Variants in TENM2 observed in about 807,000 individuals in gnomAD.
TENM2 encodes the protein teneurin-2.
TENM2 carries 52 observed loss-of-function variants against 245.2 expected under a neutral mutation model. That is an observed-to-expected ratio of 0.21 (90% confidence interval 0.17 to 0.27). The LOEUF (loss-of-function observed/expected upper bound fraction) is 0.27. Among genes scored for constraint, TENM2 ranks in the 10% least tolerant of loss-of-function variants. The pLI is 1.00. For missense variants in TENM2, 3,046 were observed against 3,666.8 expected (o/e 0.83, Z 4.37); for synonymous variants, 1,363 against 1,438.9 (o/e 0.95, Z 1.19).
chr5:167,661,023 G>A (rs1405604800), intron 2 of TENM2, among the ~76,000 whole-genome samples: 1 of 152,132 alleles, frequency 6.6e-6, no homozygotes, highest in African/African-American at 2.4e-5. Flanking sequence ...CATAGACTCA[G>A]CATTTTAAGT....
At chr5:167,409,576 G>A (rs553590703) in intron 2 of TENM2, among the ~76,000 whole-genome samples, 56 of 152,078 alleles carry the variant, frequency 3.7e-4, no homozygotes, top group African/African-American at 1.2e-3. Flanking sequence ...CTGGAAGCAT[G>A]TGCTCAAAAA....
chr5:167,810,567 C>T (rs1766559892), intron 2 of TENM2, among the ~76,000 whole-genome samples: 1 of 151,516 alleles, frequency 6.6e-6, no homozygotes, highest in Non-Finnish European at 1.5e-5. Context: ...TATTGCTCTC[C>T]AGGAATACTT....
At chr5:167,319,676 G>A (rs1333544312) in intron 1 of TENM2, among the ~76,000 whole-genome samples, 1 of 152,144 alleles carries the variant, frequency 6.6e-6, no homozygotes, top group African/African-American at 2.4e-5. Flanking sequence ...AGGGTGCTAG[G>A]TTTTCTCCAA....
intron 2 of TENM2, among the ~76,000 whole-genome samples, chr5:167,768,592 TAG>T (rs1763196041): frequency 6.6e-6 from 1 of 152,102 alleles, no homozygotes; most frequent in African/African-American, 2.4e-5. Flanking sequence ...TATGAAGTGG[TAG>T]AGAGTGGTGG....
At chr5:167,814,664 T>C (rs1019661074) in intron 2 of TENM2, among the ~76,000 whole-genome samples, 1 of 150,790 alleles carries the variant, frequency 6.6e-6, no homozygotes, top group African/African-American at 2.4e-5. Flanking sequence ...TATTGTAATA[T>C]ATTTTAGGAA....
the TENM2 span, among the ~76,000 whole-genome samples, chr5:167,218,119 GT>G: frequency 1.3e-5 from 2 of 151,870 alleles, no homozygotes; most frequent in South Asian, 2.1e-4. Context: ...ACCTTGTAGA[GT>G]TTTTTTTAAT....
intron 2 of TENM2, among the ~76,000 whole-genome samples, chr5:167,613,323 A>G (rs1020413054): frequency 3.3e-5 from 5 of 152,004 alleles, no homozygotes; most frequent in East Asian, 3.9e-4. Context: ...TGTTATCATC[A>G]CAAACCAGGG....
At chr5:167,016,050 C>G in the TENM2 span, among the ~76,000 whole-genome samples, 2 of 151,824 alleles carry the variant, frequency 1.3e-5, no homozygotes, top group African/African-American at 4.8e-5. Context: ...GTCAGGAGAT[C>G]GAGACCATCC....
rs183138490 is a variant in TENM2, at chr5:167,451,822, C to A, written c.502+76349C>A. On this transcript the variant is annotated intron_variant, in intron 2 of 28. Transcript: ENST00000518659. ...TGCCACCACGCCCGGCTAATTTTTTCGTATTTTTAGTAGAGACAGGGTTTC... is the reference window on the plus strand; with the variant it reads ...TGCCACCACGCCCGGCTAATTTTTTAGTATTTTTAGTAGAGACAGGGTTTC... Among the ~76,000 whole-genome samples the A allele has an allele frequency of 6.1e-3, 926 of 151,876 alleles. 9 individuals carry two copies. Among genetic ancestry groups the A allele is most frequent in the African/African-American group, 0.021 (856 of 41,444 alleles).
chr5:167,921,847 G>A (rs1421977), intron 3 of TENM2, among the ~76,000 whole-genome samples: 33,658 of 151,994 alleles, frequency 0.22, 4,321 homozygotes, highest in East Asian at 0.37. Flanking sequence ...CAGCCCTGTG[G>A]GAATACTAGT....
chr5:167,730,613 G>A (rs1340083925), intron 2 of TENM2, among the ~76,000 whole-genome samples: 1 of 152,122 alleles, frequency 6.6e-6, no homozygotes, highest in East Asian at 1.9e-4. Flanking sequence ...TCACCAGAGG[G>A]TTTAATCTAT....
At chr5:167,911,713 C>G (rs1017881127) in intron 3 of TENM2, among the ~76,000 whole-genome samples, 1 of 152,094 alleles carries the variant, frequency 6.6e-6, no homozygotes, top group African/African-American at 2.4e-5. Flanking sequence ...CAGTCATTCA[C>G]GCAGCGAATA....
intron 2 of TENM2, among the ~76,000 whole-genome samples, chr5:167,714,424 T>A (rs1179404085): frequency 6.6e-6 from 1 of 152,194 alleles, no homozygotes; most frequent in East Asian, 1.9e-4. Context: ...TTGGGTCTGA[T>A]GTCTGCTAAG....
At chr5:167,236,967 A>C in the TENM2 span, among the ~76,000 whole-genome samples, 1 of 148,620 alleles carries the variant, frequency 6.7e-6, no homozygotes, top group African/African-American at 2.5e-5. Context: ...AGTAAATGTT[A>C]TCCAAGGTAA....
the TENM2 span, among the ~76,000 whole-genome samples, chr5:167,016,447 C>T: frequency 3.9e-5 from 6 of 151,938 alleles, no homozygotes; most frequent in East Asian, 1.9e-4. Context: ...CAAAACCTTA[C>T]GAATTCCTGA....
intron 7 of TENM2, among the ~76,000 whole-genome samples, chr5:168,072,103 T>C (rs1346892523): frequency 6.6e-6 from 1 of 152,186 alleles, no homozygotes; most frequent in Non-Finnish European, 1.5e-5. Context: ...CCAGCCCACA[T>C]TGGGCCCTCC....
At chr5:167,610,378 C>T (rs182797120) in intron 2 of TENM2, among the ~76,000 whole-genome samples, 194 of 152,162 alleles carry the variant, frequency 1.3e-3, no homozygotes, top group Middle Eastern at 6.8e-3. Context: ...CAACCTTCAG[C>T]CCTTCTCCTC....
At chr5:167,756,724 A>G (rs1489707027) in intron 2 of TENM2, among the ~76,000 whole-genome samples, 2 of 152,126 alleles carry the variant, frequency 1.3e-5, no homozygotes, top group African/African-American at 4.8e-5. Flanking sequence ...CCAATGAGAA[A>G]CCTTGAGAAC....
intron 2 of TENM2, among the ~76,000 whole-genome samples, chr5:167,835,807 TA>T: frequency 6.6e-6 from 1 of 152,298 alleles, no homozygotes; most frequent in East Asian, 1.9e-4. Flanking sequence ...TTTAATTGAC[TA>T]AAAATATCAA....
Sources: allele counts gnomAD v4.1 joint callset (sites outside exome capture counted in the v4.1 genomes callset), GRCh38; gene constraint gnomAD v4.1.1; transcripts MANE v1.5; gene names NCBI Gene and HGNC (gene_info 2026-07-23, HGNC 2026-07-21).